The following DSCAML1 variants were observed in gnomAD, a reference collection of about 807,000 sequenced individuals.
DSCAML1 encodes the protein DS cell adhesion molecule like 1.
Under a neutral mutation model 200.5 loss-of-function variants are expected in DSCAML1, and 38 were observed. The ratio of observed to expected loss-of-function variants is 0.19; its 90% CI spans 0.15 to 0.25. DSCAML1 has a LOEUF of 0.25. DSCAML1 is among the 10% of genes least tolerant of loss of function. The pLI is 1.00. For synonymous variants in DSCAML1, 1,215 were observed against 1,165.0 expected (o/e 1.04, Z -0.87); for missense variants, 2,223 against 2,858.8 (o/e 0.78, Z 5.07).
At chr11:117,623,727 C>T (rs541766658) in intron 3 of DSCAML1, among the ~76,000 whole-genome samples, 2 of 152,308 alleles carry the variant, frequency 1.3e-5, no homozygotes, top group East Asian at 1.9e-4. Flanking sequence ...CTCTAAAAGA[C>T]TTAGCCTGGC....
At chr11:117,787,605 G>C (rs1372062381) in intron 1 of DSCAML1, among the ~76,000 whole-genome samples, 1 of 152,116 alleles carries the variant, frequency 6.6e-6, no homozygotes, top group African/African-American at 2.4e-5. Flanking sequence ...TGGAAAAGTA[G>C]ATTTGCCATC....
intron 3 of DSCAML1, among the ~76,000 whole-genome samples, chr11:117,675,968 G>C (rs2053204274): frequency 6.6e-6 from 1 of 152,142 alleles, no homozygotes; most frequent in African/African-American, 2.4e-5. Context: ...ATGAGTTGGG[G>C]GCTGGGGATG....
At chr11:117,727,450 G>T (rs1565897681) in intron 3 of DSCAML1, among the ~76,000 whole-genome samples, 8 of 152,268 alleles carry the variant, frequency 5.3e-5, no homozygotes, top group Admixed American at 4.6e-4. Flanking sequence ...AGAAAGGATG[G>T]ATTCACTCAC....
At chr11:117,682,707 C>T (rs911921987) in intron 3 of DSCAML1, among the ~76,000 whole-genome samples, 1 of 152,134 alleles carries the variant, frequency 6.6e-6, no homozygotes, top group African/African-American at 2.4e-5. Context: ...TTACCCCTCG[C>T]TCCCAGCCAA....
intron 3 of DSCAML1, among the ~76,000 whole-genome samples, chr11:117,703,145 C>G (rs555751080): frequency 6.6e-6 from 1 of 152,096 alleles, no homozygotes; most frequent in African/African-American, 2.4e-5. Context: ...CAGAGCCTGC[C>G]GAGAATTTCA....
chr11:117,515,854 C>A (rs961356898), intron 8 of DSCAML1, among the ~76,000 whole-genome samples: 16 of 152,014 alleles, frequency 1.1e-4, no homozygotes, highest in Non-Finnish European at 1.9e-4. Context: ...CTCCTGACCT[C>A]ATGATCCACC....
intron 3 of DSCAML1, among the ~76,000 whole-genome samples, chr11:117,761,126 CGAG>C (rs777083536): frequency 1.8e-4 from 28 of 152,110 alleles, no homozygotes; most frequent in Non-Finnish European, 4.0e-4. Context: ...CACAGCCCAC[CGAG>C]GAGTACTCAC....
chr11:117,612,226 A>G (rs1273486535), intron 3 of DSCAML1, among the ~76,000 whole-genome samples: 1 of 152,224 alleles, frequency 6.6e-6, no homozygotes, highest in Non-Finnish European at 1.5e-5. Context: ...AAAGAGCTCC[A>G]CTGGGCAGGC....
chr11:117,558,437 A>AGTT (rs1239294810), intron 3 of DSCAML1, among the ~76,000 whole-genome samples: 6 of 152,212 alleles, frequency 3.9e-5, no homozygotes, highest in African/African-American at 1.4e-4. Flanking sequence ...CACCCAAGGA[A>AGTT]GTTGGAGCCA....
intron 3 of DSCAML1, among the ~76,000 whole-genome samples, chr11:117,663,333 G>A (rs962035984): frequency 7.2e-5 from 11 of 152,126 alleles, no homozygotes; most frequent in African/African-American, 1.2e-4. Flanking sequence ...ACTGGGCTCT[G>A]CTTCTGCTTC....
rs2047833846 is a variant in DSCAML1, at chr11:117,432,987, G to T, written c.5026+151C>A. Reference sequence around the variant, plus strand: ...GGAGGAAAATTAGCCCTTGAGAGAAGCCACAGTGAGTTCTAAGGTTGTTGA... The same window carrying T: ...GGAGGAAAATTAGCCCTTGAGAGAATCCACAGTGAGTTCTAAGGTTGTTGA... On this transcript the variant is annotated intron_variant, in intron 29 of 32. Transcript: ENST00000651296. 4.4e-6 allele frequency: 3 copies of T among 678,874 alleles called. No individual in the cohort carries two copies. The Admixed American group carries it at 7.3e-5, about 17-fold the overall frequency. 42.1% of individuals were successfully genotyped at this position (678,874 alleles called of 1,614,324 possible).
intron 3 of DSCAML1, among the ~76,000 whole-genome samples, chr11:117,554,369 ATTAT>A (rs1314284860): frequency 6.6e-6 from 1 of 150,440 alleles, no homozygotes; most frequent in Non-Finnish European, 1.5e-5. Flanking sequence ...ATTTTATTCT[ATTAT>A]TTATTATTTA....
At position 117,718,146 on chromosome 11, in the gene DSCAML1, T is replaced by C. The variant is rs568112608; in HGVS notation, c.511+58645A>G. ...ACACAGCGTAAAAATTGAGTGATAA[T>C]AGCCTGCCTGTATGCGAGGTCAGTG... On this transcript the variant is annotated intron_variant, in intron 3 of 32. Coordinates refer to ENST00000651296, the MANE Select transcript of DSCAML1 (RefSeq NM_020693.4). Among the ~76,000 whole-genome samples the C allele has an allele frequency of 4.1e-4, 63 of 152,312 alleles. 1 individual carries two copies. Among genetic ancestry groups the C allele is most frequent in the South Asian group, 2.3e-3 (11 of 4,826 alleles).
At chr11:117,676,650 G>A (rs532606936) in intron 3 of DSCAML1, among the ~76,000 whole-genome samples, 11 of 152,352 alleles carry the variant, frequency 7.2e-5, no homozygotes, top group African/African-American at 2.4e-4. Context: ...GCCAGGGAGG[G>A]CCTAGAGCTG....
At position 117,480,300 on chromosome 11, in the gene DSCAML1, T is replaced by G; in HGVS notation, c.2785+143A>C. 7.8e-7 allele frequency: 1 copy of G among 1,286,596 alleles called. No individual in the cohort carries two copies. The highest frequency in any genetic ancestry group is 1.1e-6 in the Non-Finnish European group (1 of 936,198). The allele number at this position is 1,286,596 out of a possible 1,614,324, so 79.7% of individuals were successfully genotyped here. On this transcript the variant is annotated intron_variant, in intron 14 of 32. Transcript: ENST00000651296. The surrounding 1 kb of genome is among the most constrained non-coding windows in gnomAD (Gnocchi z 4.1). ...CCTCCCTTCAGAAGCCACAGCTGCT[T>G]GTGCACTGGTGGGTGCTTGTGTGTC...
At chr11:117,800,113 C>T (rs1356708781), upstream of DSCAML1, among the ~76,000 whole-genome samples, 1 of 152,154 alleles carries the variant, frequency 6.6e-6, no homozygotes, top group African/African-American at 2.4e-5. Flanking sequence ...TTTTGTGTTT[C>T]CCATTGATTT....
intron 3 of DSCAML1, among the ~76,000 whole-genome samples, chr11:117,614,111 T>C (rs988987793): frequency 1.5e-4 from 23 of 152,020 alleles, no homozygotes; most frequent in African/African-American, 5.6e-4. Context: ...GAGAGAGATA[T>C]ATATGCATCT....
chr11:117,450,375 G>A (rs1268423422), intron 20 of DSCAML1, among the ~76,000 whole-genome samples, 174 bp downstream of exon 20: 1 of 152,248 alleles, frequency 6.6e-6, no homozygotes, highest in Non-Finnish European at 1.5e-5. Flanking sequence ...ACCCAAGATG[G>A]ACACTGAGTA....
In DSCAML1 at chr11:117,684,410, C is replaced by T. The variant is rs1390256248; in HGVS notation, c.511+92381G>A. ...ATCAGCGCTTGTTTTTAGCTGGGAA[C>T]AAACTGTTCACACATTTCATTAACT... On this transcript the variant is annotated intron_variant, in intron 3 of 32. Transcript: ENST00000651296. 7.0e-5 allele frequency among the ~76,000 whole-genome samples: 5 copies of T among 71,138 alleles called. No homozygotes were observed. In the South Asian group the frequency reaches 2.6e-3, roughly 37 times the overall value. The allele number at this position is 71,138 out of a possible 152,430, so 46.7% of individuals were successfully genotyped here.
Sources: allele counts gnomAD v4.1 joint callset (sites outside exome capture counted in the v4.1 genomes callset), GRCh38; gene constraint gnomAD v4.1.1; non-coding constraint Gnocchi (gnomAD v3.1); transcripts MANE v1.5; gene names NCBI Gene and HGNC (gene_info 2026-07-23, HGNC 2026-07-21).